RAD51B: variants seen among roughly 807,000 people sequenced by gnomAD.
RAD51B encodes the protein RAD51 paralog B.
A neutral mutation model predicts 42.2 loss-of-function variants in RAD51B; 38 were observed. That is an observed-to-expected ratio of 0.90 (90% CI 0.70 to 1.18). The LOEUF (loss-of-function observed/expected upper bound fraction) is 1.18, where lower values mean the gene tolerates loss of function less well. RAD51B is among the 50% of genes most tolerant of loss of function. RAD51B has a pLI of 0.00. For synonymous variants in RAD51B, 154 were observed against 145.2 expected, an observed-to-expected ratio of 1.06 and a Z score of -0.43; for missense variants, 373 against 400.7, an observed-to-expected ratio of 0.93 and a Z score of 0.59.
In RAD51B at chr14:68,673,535, TAC is replaced by T. The variant is rs748097334; in HGVS notation, c.*11+22683_*11+22684del. ...ACACACATATGTACGCGCACACACA[TAC>T]ACATACATATGTACACACATATGTA... On this transcript the variant is annotated intron_variant, in intron 11 of 11. Coordinates refer to the RAD51B transcript ENST00000488612. Among the ~76,000 whole-genome samples, 9 of 148,734 alleles carry T rather than the reference TAC, an allele frequency of 6.1e-5. No homozygotes were observed. In the South Asian group the frequency reaches 1.3e-3, roughly 21 times the overall value.
At chr14:67,911,590 A>G (rs1163238718) in intron 7 of RAD51B, among the ~76,000 whole-genome samples, 1 of 152,238 alleles carries the variant, frequency 6.6e-6, no homozygotes, top group African/African-American at 2.4e-5. Flanking sequence ...TTGTTGAGTC[A>G]TGATACAGTT....
intron 10 of RAD51B, among the ~76,000 whole-genome samples, chr14:68,545,920 T>C (rs1888210204): frequency 1.3e-5 from 2 of 152,104 alleles, no homozygotes; most frequent in South Asian, 4.1e-4. Context: ...CTACAAGGGG[T>C]GGCACAGATA....
intron 7 of RAD51B, among the ~76,000 whole-genome samples, chr14:68,124,707 A>G (rs1024258039): frequency 4.6e-5 from 7 of 152,200 alleles, no homozygotes; most frequent in Admixed American, 4.6e-4. Context: ...TAATCTCAGC[A>G]CTTTGGGAGG....
At chr14:67,931,771 G>A (rs2044747672) in intron 7 of RAD51B, among the ~76,000 whole-genome samples, 1 of 152,094 alleles carries the variant, frequency 6.6e-6, no homozygotes, top group African/African-American at 2.4e-5. Context: ...CCAAAGTGCT[G>A]GGATTATAGG....
chr14:68,478,685 T>C (rs757607157), downstream of RAD51B, among the ~76,000 whole-genome samples: 2 of 152,220 alleles, frequency 1.3e-5, no homozygotes, highest in Admixed American at 6.5e-5. Context: ...TAGAATCACT[T>C]TGTACCTGCT....
intron 7 of RAD51B, among the ~76,000 whole-genome samples, chr14:68,166,127 T>A (rs2078744716): frequency 6.6e-6 from 1 of 151,850 alleles, no homozygotes; most frequent in Non-Finnish European, 1.5e-5. Context: ...TTCAGCTTCA[T>A]TTTAATGGCC....
chr14:67,871,621 A>G (rs1408676885), intron 5 of RAD51B, among the ~76,000 whole-genome samples: 1 of 152,180 alleles, frequency 6.6e-6, no homozygotes, highest in African/African-American at 2.4e-5. Flanking sequence ...AAAGCCGGGC[A>G]GAGACACAAC....
intron 7 of RAD51B, among the ~76,000 whole-genome samples, chr14:68,156,026 G>C (rs921234419): frequency 8.5e-5 from 13 of 152,186 alleles, no homozygotes; most frequent in Non-Finnish European, 1.2e-4. Context: ...TGTTTCTTCT[G>C]TCTTGCACTT....
chr14:67,994,600 G>T (rs1011602329), intron 7 of RAD51B, among the ~76,000 whole-genome samples: 2 of 152,100 alleles, frequency 1.3e-5, no homozygotes, highest in Non-Finnish European at 1.5e-5. Flanking sequence ...GCTCAAGCAG[G>T]ATTTAAGGCA....
chr14:68,333,708 T>C (rs957878358), intron 8 of RAD51B, among the ~76,000 whole-genome samples: 12 of 152,262 alleles, frequency 7.9e-5, no homozygotes, highest in Non-Finnish European at 4.4e-5. Context: ...TGTTTTAAAG[T>C]ACACATACAT....
At chr14:68,086,358 T>C (rs2076985063) in intron 7 of RAD51B, among the ~76,000 whole-genome samples, 1 of 152,108 alleles carries the variant, frequency 6.6e-6, no homozygotes, top group African/African-American at 2.4e-5. Context: ...CCAGCCACCA[T>C]GTGTCCGCCT....
At chr14:68,661,353 T>G (rs1467816954) in intron 11 of RAD51B, among the ~76,000 whole-genome samples, 4 of 152,184 alleles carry the variant, frequency 2.6e-5, no homozygotes, top group Non-Finnish European at 4.4e-5. Context: ...CCATGTCTGT[T>G]GCTGTTGCTG....
intron 9 of RAD51B, among the ~76,000 whole-genome samples, chr14:68,442,057 G>C (rs1459960256): frequency 6.6e-6 from 1 of 152,158 alleles, no homozygotes; most frequent in African/African-American, 2.4e-5. Flanking sequence ...AGCAGCTTTG[G>C]GGGTGGGTCT....
At chr14:67,852,265 G>C (rs2041845909) in intron 4 of RAD51B, among the ~76,000 whole-genome samples, 1 of 152,222 alleles carries the variant, frequency 6.6e-6, no homozygotes, top group South Asian at 2.1e-4. Flanking sequence ...CCTGCAGTCT[G>C]ACTGCTCCTA....
chr14:68,453,383 G>A (rs1226643119), intron 9 of RAD51B, among the ~76,000 whole-genome samples: 4 of 152,216 alleles, frequency 2.6e-5, no homozygotes, highest in Admixed American at 2.6e-4. Context: ...TCAAAGTAGT[G>A]TAGCAGTAGA....
At chr14:68,485,140 G>A (rs1883523765) in intron 10 of RAD51B, among the ~76,000 whole-genome samples, 1 of 152,180 alleles carries the variant, frequency 6.6e-6, no homozygotes, top group Admixed American at 6.5e-5. Flanking sequence ...CTGTGAGAGG[G>A]CAAGACAGTG....
At chr14:68,674,076 A>C (rs887764123) in intron 11 of RAD51B, among the ~76,000 whole-genome samples, 2 of 152,166 alleles carry the variant, frequency 1.3e-5, no homozygotes, top group Admixed American at 1.3e-4. Context: ...ATAAACACAC[A>C]TACTGTACAC....
At chr14:68,080,573 C>G (rs922437805) in intron 7 of RAD51B, among the ~76,000 whole-genome samples, 1 of 152,118 alleles carries the variant, frequency 6.6e-6, no homozygotes, top group Non-Finnish European at 1.5e-5. Context: ...GGTGTTAAAG[C>G]TTTTTCTGAA....
At chr14:67,854,691 G>A (rs941080750) in intron 4 of RAD51B, among the ~76,000 whole-genome samples, 2 of 138,422 alleles carry the variant, frequency 1.4e-5, no homozygotes, top group Admixed American at 1.4e-4. Context: ...AGCTAGGTGT[G>A]GTGGCTCATG....
Sources: gnomAD v4.1 joint callset for allele counts (sites outside exome capture counted in the v4.1 genomes callset) on GRCh38, gnomAD v4.1.1 for gene constraint, MANE v1.5 for transcripts, NCBI Gene and HGNC (gene_info 2026-07-23, HGNC 2026-07-21) for gene names.